KCNIP4: variants seen among roughly 807,000 people sequenced by gnomAD.
KCNIP4 encodes the protein potassium voltage-gated channel interacting protein 4, also known as Kv channel-interacting protein 4.
Under a neutral mutation model 34.0 loss-of-function variants are expected in KCNIP4, and 12 were observed. That is an observed-to-expected ratio of 0.35 (90% CI 0.23 to 0.57). KCNIP4 has a LOEUF of 0.57. Ranked by LOEUF, KCNIP4 falls within the 20% of genes least tolerant of loss-of-function variation. KCNIP4 has a pLI of 0.83. For missense variants in KCNIP4, 238 were observed against 311.7 expected, an observed-to-expected ratio of 0.76 and a Z score of 1.78; for synonymous variants, 124 against 102.2, an observed-to-expected ratio of 1.21 and a Z score of -1.29.
chr4:20,797,926 G>A (rs1044079826), intron 3 of KCNIP4, among the ~76,000 whole-genome samples: 9 of 152,120 alleles, frequency 5.9e-5, no homozygotes, highest in African/African-American at 2.2e-4. Flanking sequence ...CACAGTGATG[G>A]TGTGCTGGAC....
At chr4:20,748,878 G>A (rs988217349) in intron 5 of KCNIP4, among the ~76,000 whole-genome samples, 2 of 100,748 alleles carry the variant, frequency 2.0e-5, no homozygotes, top group South Asian at 3.2e-4. Context: ...ACGTGTGTGT[G>A]TGTATGTGTG....
rs767314805 is a variant in KCNIP4 at position 21,247,820 on chromosome 4, T to TATATATACAC, written c.62-365112_62-365111insGTGTATATAT. On this transcript the variant is annotated intron_variant, in intron 1 of 8. Coordinates refer to ENST00000382152, the MANE Select transcript of KCNIP4 (RefSeq NM_025221.6). ...AGGTGGATATATATATATATATATA[T>TATATATACAC]ACACACACACACAGACACCACAGGT... is the stretch of plus-strand genomic sequence containing the variant. Among the ~76,000 whole-genome samples the TATATATACAC allele has an allele frequency of 7.9e-4, 80 of 101,164 alleles. 3 individuals are homozygous for TATATATACAC. Among genetic ancestry groups the TATATATACAC allele is most frequent in the Non-Finnish European group, 8.0e-4 (43 of 53,792 alleles). 66.4% of individuals were successfully genotyped at this position (101,164 alleles called of 152,430 possible). A position where few individuals can be genotyped will look rare whatever the true frequency, so the allele number is the denominator to read the frequency against.
At chr4:21,097,677 T>A (rs1337797991) in intron 1 of KCNIP4, among the ~76,000 whole-genome samples, 1 of 152,150 alleles carries the variant, frequency 6.6e-6, no homozygotes, top group African/African-American at 2.4e-5. Flanking sequence ...TGTGTGTGTG[T>A]GTTGACTGCT....
At chr4:21,657,840 A>ATTTTTTTTTTTT (rs1560599678) in intron 1 of KCNIP4, among the ~76,000 whole-genome samples, 1 of 116,238 alleles carries the variant, frequency 8.6e-6, no homozygotes, top group African/African-American at 3.6e-5. Flanking sequence ...GTTTAAACAT[A>ATTTTTTTTTTTT]ATTTTTTTTT....
At chr4:21,568,341 T>C (rs901493316) in intron 1 of KCNIP4, among the ~76,000 whole-genome samples, 3 of 152,082 alleles carry the variant, frequency 2.0e-5, no homozygotes, top group Non-Finnish European at 4.4e-5. Context: ...AAGGAGATAT[T>C]TGGACATAGA....
At chr4:21,176,558 G>T (rs1211545682) in intron 1 of KCNIP4, among the ~76,000 whole-genome samples, 2 of 151,874 alleles carry the variant, frequency 1.3e-5, no homozygotes, top group Non-Finnish European at 2.9e-5. Flanking sequence ...CACTCTTATT[G>T]CCCAGGCTAG....
chr4:21,544,747 C>T (rs1197914155), intron 1 of KCNIP4: 6 of 152,166 alleles, frequency 3.9e-5, no homozygotes, highest in African/African-American at 9.7e-5. Flanking sequence ...TAATTCACCT[C>T]TTGTTTAATG....
chr4:21,424,173 G>A (rs542858499), intron 1 of KCNIP4, among the ~76,000 whole-genome samples: 1 of 152,050 alleles, frequency 6.6e-6, no homozygotes, highest in South Asian at 2.1e-4. Context: ...GATGGAGGAT[G>A]GGTAAAGGGA....
At chr4:21,588,268 T>C (rs1327683971) in intron 1 of KCNIP4, among the ~76,000 whole-genome samples, 1 of 152,158 alleles carries the variant, frequency 6.6e-6, no homozygotes, top group East Asian at 1.9e-4. Flanking sequence ...TTTTCATGTA[T>C]TTAACTTTGA....
chr4:21,255,102 T>A (rs953924105), intron 1 of KCNIP4, among the ~76,000 whole-genome samples: 1 of 152,088 alleles, frequency 6.6e-6, no homozygotes, highest in African/African-American at 2.4e-5. Flanking sequence ...CCCTGGCTGT[T>A]GCATTTAATC....
intron 1 of KCNIP4, among the ~76,000 whole-genome samples, chr4:21,501,688 T>TGTGTGTGTGTGTGTG (rs1553893355): frequency 1.6e-5 from 2 of 127,218 alleles, no homozygotes; most frequent in African/African-American, 3.1e-5. Context: ...TGCAGAAGCC[T>TGTGTGTGTGTGTGTG]TGTGTGTGTG....
At chr4:21,457,713 TG>T (rs1341602055) in intron 1 of KCNIP4, among the ~76,000 whole-genome samples, 1 of 152,070 alleles carries the variant, frequency 6.6e-6, no homozygotes, top group Non-Finnish European at 1.5e-5. Context: ...TATGCAGAGC[TG>T]GCGTATGGCA....
At chr4:21,557,787 A>G (rs1739193872) in intron 1 of KCNIP4, among the ~76,000 whole-genome samples, 1 of 152,162 alleles carries the variant, frequency 6.6e-6, no homozygotes, top group Admixed American at 6.5e-5. Context: ...TTAAATTGAT[A>G]CACATAGGCC....
At chr4:21,311,658 C>T (rs375693154) in intron 1 of KCNIP4, among the ~76,000 whole-genome samples, 1 of 152,028 alleles carries the variant, frequency 6.6e-6, no homozygotes, top group African/African-American at 2.4e-5. Context: ...CACTGCACTC[C>T]AGTCTGGTGT....
intron 3 of KCNIP4, among the ~76,000 whole-genome samples, chr4:20,805,280 C>T (rs1008493773): frequency 6.8e-6 from 1 of 147,194 alleles, no homozygotes; most frequent in Non-Finnish European, 1.5e-5. Flanking sequence ...AAGAGATCTT[C>T]CCACCTGGGA....
chr4:20,882,578 G>GA, intron 2 of KCNIP4, 30 bp downstream of exon 2: 1 of 1,473,658 alleles, frequency 6.8e-7, no homozygotes, highest in Non-Finnish European at 9.5e-7. Context: ...GAGTTTCGGA[G>GA]GAAAAAAAAA....
At chr4:21,368,494 C>A (rs549094018) in intron 1 of KCNIP4, among the ~76,000 whole-genome samples, 1 of 147,280 alleles carries the variant, frequency 6.8e-6, no homozygotes, top group Admixed American at 6.6e-5. Flanking sequence ...GATTCTCAAC[C>A]ATTTATACTA....
chr4:21,143,511 A>G (rs540859209), intron 1 of KCNIP4, among the ~76,000 whole-genome samples: 2 of 151,992 alleles, frequency 1.3e-5, no homozygotes, highest in African/African-American at 4.8e-5. Flanking sequence ...GCCCAGCAAC[A>G]CCTTGATTTT....
At chr4:21,405,250 T>C (rs2109567737) in intron 1 of KCNIP4, among the ~76,000 whole-genome samples, 1 of 152,312 alleles carries the variant, frequency 6.6e-6, no homozygotes, top group East Asian at 1.9e-4. Context: ...CATGCCATGT[T>C]TGGAGTTGAG....
Sources: gnomAD v4.1 joint callset for allele counts (sites outside exome capture counted in the v4.1 genomes callset) on GRCh38, gnomAD v4.1.1 for gene constraint, MANE v1.5 for transcripts, NCBI Gene and HGNC (gene_info 2026-07-23, HGNC 2026-07-21) for gene names.